COPS7B: variants seen among roughly 807,000 people sequenced by gnomAD.
COPS7B encodes COP9 signalosome subunit 7B.
In COPS7B, 9 loss-of-function variants were observed where a neutral mutation model predicts 33.4. That is an observed-to-expected ratio of 0.27 (90% CI 0.16 to 0.47). The LOEUF is 0.47. Ranked by LOEUF, COPS7B falls within the 20% of genes least tolerant of loss-of-function variation. The probability of loss-of-function intolerance (pLI) is 0.99; values close to 1 mark genes in which losing one functional copy is unlikely to be tolerated. For synonymous variants in COPS7B, 119 were observed against 126.3 expected (o/e 0.94, Z 0.39); for missense variants, 242 against 318.2 (o/e 0.76, Z 1.82).
At chr2:231,786,568 G>A in intron 1 of COPS7B, 30 bp downstream of exon 1, 1 of 956,172 alleles carries the variant, frequency 1.0e-6, no homozygotes, top group Non-Finnish European at 1.2e-6. Flanking sequence ...TGGGCCGAGC[G>A]GGGCCGGCGC....
chr2:231,809,069 T>A lies in COPS7B; in HGVS notation c.*1424T>A, dbSNP rs1034618138. The stretch of plus-strand genomic sequence containing the variant: ...TTTTCTAAAATGTCCAGCAACTGCC[T>A]ACTGTTGATCAAATGTTGAAGTATT... On this transcript the variant is annotated 3_prime_UTR_variant, in exon 7 of 7. Coordinates refer to ENST00000350033, the MANE Select transcript of COPS7B (RefSeq NM_022730.4). 6.6e-6 allele frequency: 1 copy of A among 152,462 alleles called. No homozygotes were observed. The highest frequency in any genetic ancestry group is 2.4e-5 in the African/African-American group (1 of 41,432). The allele number at this position is 152,462 out of a possible 1,614,324, so 9.4% of individuals were successfully genotyped here. A position where few individuals can be genotyped will look rare whatever the true frequency, so the allele number is the denominator to read the frequency against.
intron 5 of COPS7B, among the ~76,000 whole-genome samples, chr2:231,796,559 GT>G (rs2106328346): frequency 6.6e-6 from 1 of 152,346 alleles, no homozygotes; most frequent in East Asian, 1.9e-4. Flanking sequence ...CTATTTAAAA[GT>G]GGGCTATAAA....
intron 2 of COPS7B, 42 bp downstream of exon 2, chr2:231,788,774 C>T (rs758544010): frequency 1.9e-6 from 3 of 1,575,572 alleles, no homozygotes; most frequent in Admixed American, 1.8e-5. Context: ...TTCTAAGACT[C>T]TGTAATTCTC....
chr2:231,804,792 C>A (rs1005755452), intron 6 of COPS7B, among the ~76,000 whole-genome samples: 2 of 152,072 alleles, frequency 1.3e-5, no homozygotes, highest in African/African-American at 4.8e-5. Flanking sequence ...ATTTTGTCAG[C>A]TTTTGGGGAG....
At chr2:231,781,995 A>G, upstream of COPS7B, 1 of 1,032,624 alleles carries the variant, frequency 9.7e-7, no homozygotes, top group South Asian at 1.5e-5. Context: ...CATGTATTTC[A>G]GGGTTTTTTG....
chr2:231,794,008 A>G, intron 3 of COPS7B: 1 of 463,970 alleles, frequency 2.2e-6, no homozygotes, highest in East Asian at 3.8e-5. Context: ...GTACTCCATT[A>G]AGATAATTGC....
rs146162614 is a variant in COPS7B at position 231,794,291 on chromosome 2, C to T, written c.267C>T (p.Ser89=). The T allele has an allele frequency of 2.5e-6, 4 of 1,614,046 alleles. No homozygotes were observed. Among genetic ancestry groups the T allele is most frequent in the Non-Finnish European group, 3.4e-6 (4 of 1,179,996 alleles). Residue 89 remains serine (S), a synonymous_variant, in exon 4 of 7, where the codon AGC becomes AGT. Coordinates refer to ENST00000350033, the MANE Select transcript of COPS7B (RefSeq NM_022730.4). ...IANKESLPEL[S]TAQQNKLKHL... is the part of the protein sequence containing the mutation. The stretch of plus-strand genomic sequence containing the variant: ...ACAAGGAGAGCCTGCCAGAACTGAG[C>T]ACAGCTCAGCAGAACAAGCTGAAGC...
At chr2:231,792,053 G>T in intron 3 of COPS7B, 4 of 651,844 alleles carry the variant, frequency 6.1e-6, no homozygotes, top group Middle Eastern at 4.9e-4. Flanking sequence ...TTGTTTTCCA[G>T]ATGAGATTCT....
intron 1 of COPS7B, 138 bp downstream of exon 1, chr2:231,786,676 T>TCCTC (rs1255655454): frequency 8.4e-6 from 2 of 238,186 alleles, no homozygotes; most frequent in Non-Finnish European, 1.4e-5. Context: ...GTCCCGCGGC[T>TCCTC]CCTCACTCCA....
At chr2:231,783,093 TA>T (rs1279278960), upstream of COPS7B, among the ~76,000 whole-genome samples, 1 of 150,090 alleles carries the variant, frequency 6.7e-6, no homozygotes, top group African/African-American at 2.4e-5. Context: ...ACTTTATCAG[TA>T]TTTTTGTGAA....
chr2:231,807,696 G>A lies in COPS7B; in HGVS notation c.*51G>A, dbSNP rs568845905. The A allele has an allele frequency of 1.1e-5, 17 of 1,491,440 alleles. No homozygotes were observed. The highest frequency in any genetic ancestry group is 2.4e-5 in the Admixed American group (1 of 41,432). The allele number at this position is 1,491,440 out of a possible 1,614,324, so 92.4% of individuals were successfully genotyped here. A position where few individuals can be genotyped will look rare whatever the true frequency, so the allele number is the denominator to read the frequency against. On this transcript the variant is annotated 3_prime_UTR_variant, in exon 7 of 7. Coordinates refer to ENST00000350033, the MANE Select transcript of COPS7B (RefSeq NM_022730.4). Reference sequence around the variant, plus strand: ...CCAGGCCTGGGTCAGGTGGGGAGGGGACACCAAGGGCCCATTTCCTCCCCT... The same window carrying A: ...CCAGGCCTGGGTCAGGTGGGGAGGGAACACCAAGGGCCCATTTCCTCCCCT...
chr2:231,797,487 T>C (rs2049605539), intron 5 of COPS7B, among the ~76,000 whole-genome samples: 1 of 152,234 alleles, frequency 6.6e-6, no homozygotes. Flanking sequence ...CCTGCCAAAG[T>C]TGGCTGTCCT....
chr2:231,795,461 ATT>A (rs1334003524), intron 4 of COPS7B, among the ~76,000 whole-genome samples: 1 of 152,174 alleles, frequency 6.6e-6, no homozygotes, highest in African/African-American at 2.4e-5. Context: ...TGGGAGGCCT[ATT>A]TTGTTGTGAA....
At chr2:231,802,652 G>T (rs956253963) in intron 6 of COPS7B, among the ~76,000 whole-genome samples, 1 of 152,196 alleles carries the variant, frequency 6.6e-6, no homozygotes, top group Non-Finnish European at 1.5e-5. Context: ...TGTGGAAGAG[G>T]AATTGGAATT....
chr2:231,803,082 A>G (rs1220442303), intron 6 of COPS7B, among the ~76,000 whole-genome samples: 1 of 152,226 alleles, frequency 6.6e-6, no homozygotes, highest in African/African-American at 2.4e-5. Flanking sequence ...CAGCAGTCTT[A>G]TTGGAGGAGT....
chr2:231,782,493 C>A (rs746249415), upstream of COPS7B, among the ~76,000 whole-genome samples: 1 of 152,194 alleles, frequency 6.6e-6, no homozygotes, highest in Non-Finnish European at 1.5e-5. Context: ...CTTCTCTTGG[C>A]CTTCCTTCCT....
At chr2:231,804,414 A>G (rs1241780424) in intron 6 of COPS7B, among the ~76,000 whole-genome samples, 1 of 152,002 alleles carries the variant, frequency 6.6e-6, no homozygotes, top group Non-Finnish European at 1.5e-5. Flanking sequence ...CACCCGGCTA[A>G]CTTTTTATAT....
In COPS7B at chr2:231,807,546, G is replaced by A; in HGVS notation, c.696G>A (p.Glu232=). The A allele has an allele frequency of 6.2e-7, 1 of 1,613,344 alleles. No homozygotes were observed. Among genetic ancestry groups the A allele is most frequent in the Non-Finnish European group, 8.5e-7 (1 of 1,179,724 alleles). ...ATASSSAQEM[E]QQLAERECPP... Reference sequence around the variant, plus strand: ...CATCCTCCTCGGCTCAGGAGATGGAGCAGCAGCTGGCTGAACGGGAGTGTC... The same window carrying A: ...CATCCTCCTCGGCTCAGGAGATGGAACAGCAGCTGGCTGAACGGGAGTGTC... Residue 232 remains glutamate, a synonymous_variant, in exon 7 of 7, where the codon GAG becomes GAA. Transcript: ENST00000350033.
rs781496352 is a variant in COPS7B, at chr2:231,808,512, C to T, written c.*867C>T. ...TGCACCTGGGTAGGGATGGTGGCATCGATGCCCCTCTGTCTGCTGAAGGAC... is the reference window on the plus strand; with the variant it reads ...TGCACCTGGGTAGGGATGGTGGCATTGATGCCCCTCTGTCTGCTGAAGGAC... On this transcript the variant is annotated 3_prime_UTR_variant, in exon 7 of 7. Coordinates refer to ENST00000350033, the MANE Select transcript of COPS7B (RefSeq NM_022730.4). The T allele has an allele frequency of 3.6e-5, 17 of 471,242 alleles. No individual in the cohort carries two copies. In the East Asian group the frequency reaches 4.2e-4, roughly 12 times the overall value. 29.2% of individuals were successfully genotyped at this position (471,242 alleles called of 1,614,324 possible).
Sources: gnomAD v4.1 joint callset for allele counts (sites outside exome capture counted in the v4.1 genomes callset) on GRCh38, gnomAD v4.1.1 for gene constraint, MANE v1.5 for transcripts, NCBI Gene and HGNC (gene_info 2026-07-23, HGNC 2026-07-21) for gene names.